Variants in BCAS3 observed in about 807,000 individuals in gnomAD.
BCAS3 encodes the protein BCAS4/BCAS3 fusion.
BCAS3 carries 53 observed loss-of-function variants against 116.1 expected under a neutral mutation model. That is an observed-to-expected ratio of 0.46 (90% CI 0.37 to 0.57). The LOEUF is 0.57. Ranked by LOEUF, BCAS3 falls within the 20% of genes least tolerant of loss-of-function variation. The probability of loss-of-function intolerance (pLI) is 0.00; values close to 1 mark genes in which losing one functional copy is unlikely to be tolerated. For synonymous variants in BCAS3, 391 were observed against 408.2 expected, an observed-to-expected ratio of 0.96 and a Z score of 0.51; for missense variants, 917 against 1,165.4, an observed-to-expected ratio of 0.79 and a Z score of 3.10.
chr17:61,339,389 C>T lies in BCAS3; in HGVS notation c.2426-28938C>T, dbSNP rs2056974347. On this transcript the variant is annotated intron_variant, in intron 22 of 23. Transcript: ENST00000407086. The surrounding 1 kb of genome is among the most constrained non-coding windows in gnomAD (Gnocchi z 4.4). ...AGGCCCATGAAGCCGCCTAAAGGAGCTCAAACTAGCATTTCCCTTGGCATT... is the reference window on the plus strand; with the variant it reads ...AGGCCCATGAAGCCGCCTAAAGGAGTTCAAACTAGCATTTCCCTTGGCATT... 6.6e-6 allele frequency among the ~76,000 whole-genome samples: 1 copy of T among 152,218 alleles called. No individual in the cohort carries two copies. Among genetic ancestry groups the T allele is most frequent in the African/African-American group, 2.4e-5 (1 of 41,454 alleles).
chr17:60,761,650 G>A (rs898251872), intron 6 of BCAS3, among the ~76,000 whole-genome samples: 1 of 152,136 alleles, frequency 6.6e-6, no homozygotes, highest in Non-Finnish European at 1.5e-5. Context: ...TTTGTGAGTA[G>A]TGCCGCAATA....
In BCAS3 at chr17:61,344,527, C is replaced by T. The variant is rs2057383041; in HGVS notation, c.2426-23800C>T. Among the ~76,000 whole-genome samples the T allele has an allele frequency of 2.0e-5, 3 of 152,104 alleles. No individual in the cohort carries two copies. The highest frequency in any genetic ancestry group is 2.0e-4 in the Admixed American group (3 of 15,272). On this transcript the variant is annotated intron_variant, in intron 22 of 23. Transcript: ENST00000407086. The surrounding 1 kb of genome is among the most constrained non-coding windows in gnomAD (Gnocchi z 4.1). ...CCATGGAGAGCAAAGTAGATGATATCTCTGCCCCCATGGGGCTTATATTCT... is the reference window on the plus strand; with the variant it reads ...CCATGGAGAGCAAAGTAGATGATATTTCTGCCCCCATGGGGCTTATATTCT...
At chr17:60,942,433 AAAAACAAAAC>A (rs561377242) in intron 13 of BCAS3, among the ~76,000 whole-genome samples, 8 of 152,158 alleles carry the variant, frequency 5.3e-5, no homozygotes, top group Middle Eastern at 3.4e-3. Flanking sequence ...ATCTCCAAAC[AAAAACAAAAC>A]AAAACAAAAC....
intron 7 of BCAS3, among the ~76,000 whole-genome samples, chr17:60,859,071 A>T (rs532429479): frequency 5.3e-5 from 8 of 152,320 alleles, no homozygotes; most frequent in African/African-American, 1.9e-4. Context: ...TTATAATGTT[A>T]TAACATTAAT....
intron 7 of BCAS3, among the ~76,000 whole-genome samples, chr17:60,845,004 TG>T (rs1209818251): frequency 3.9e-5 from 6 of 152,126 alleles, no homozygotes; most frequent in Non-Finnish European, 7.4e-5. Flanking sequence ...CCGAGGCAGG[TG>T]GATCACCTGA....
At chr17:61,209,519 G>C (rs8069299) in intron 22 of BCAS3, among the ~76,000 whole-genome samples, 151,651 of 152,338 alleles carry the variant, frequency 1, 75,486 homozygotes, top group Non-Finnish European at 1. Flanking sequence ...GAATTTCAGT[G>C]CAGTGGTTTC....
At chr17:60,902,895 T>C (rs1170588552) in intron 11 of BCAS3, among the ~76,000 whole-genome samples, 192 bp downstream of exon 11, 1 of 152,238 alleles carries the variant, frequency 6.6e-6, no homozygotes, top group East Asian at 1.9e-4. Flanking sequence ...TTTCCATGTT[T>C]TAAACAGTGA....
intron 22 of BCAS3, among the ~76,000 whole-genome samples, chr17:61,158,672 T>C (rs1334030146): frequency 6.6e-6 from 1 of 152,124 alleles, no homozygotes; most frequent in Non-Finnish European, 1.5e-5. Context: ...GATAATGATA[T>C]TTGCTTAAAG....
intron 5 of BCAS3, among the ~76,000 whole-genome samples, chr17:60,722,447 A>G (rs79447756): frequency 0.031 from 4,733 of 152,126 alleles, 236 homozygotes; most frequent in African/African-American, 0.1. Context: ...ATGTGTTGAT[A>G]TCTTCTGTGA....
At chr17:60,983,333 G>A (rs1307641856) in intron 14 of BCAS3, among the ~76,000 whole-genome samples, 3 of 151,944 alleles carry the variant, frequency 2.0e-5, no homozygotes, top group Non-Finnish European at 4.4e-5. Flanking sequence ...CATTTTTACA[G>A]GTTTTTTTCA....
At chr17:61,351,976 C>T (rs1465600666) in intron 22 of BCAS3, among the ~76,000 whole-genome samples, 2 of 152,206 alleles carry the variant, frequency 1.3e-5, no homozygotes, top group Non-Finnish European at 2.9e-5. Flanking sequence ...GACTTTTTGC[C>T]AGCTCGTTGA....
rs1244081335 is a variant in BCAS3 at position 60,861,503 on chromosome 17, T to C, written c.477-7073T>C. Among the ~76,000 whole-genome samples the C allele has an allele frequency of 2.6e-5, 4 of 152,326 alleles. No homozygotes were observed. In the East Asian group the frequency reaches 7.7e-4, roughly 29 times the overall value. ...TTATTTCTTTCTCTTTCCTGATTGC[T>C]CTGGCTGGGACTTCCAGAACTGTGT... On this transcript the variant is annotated intron_variant, in intron 7 of 23. Transcript: ENST00000407086.
intron 8 of BCAS3, 77 bp from the exon 9 acceptor site, chr17:60,874,585 A>G: frequency 3.1e-6 from 3 of 959,474 alleles, no homozygotes; most frequent in Non-Finnish European, 4.9e-6. Flanking sequence ...TAGATGATAT[A>G]ATGCATTTCT....
intron 6 of BCAS3, among the ~76,000 whole-genome samples, chr17:60,791,275 A>T (rs1255027745): frequency 6.6e-6 from 1 of 152,204 alleles, no homozygotes; most frequent in South Asian, 2.1e-4. Flanking sequence ...TCACAATCTC[A>T]GTATATTACC....
intron 22 of BCAS3, among the ~76,000 whole-genome samples, chr17:61,267,802 G>C (rs1410583264): frequency 6.6e-6 from 1 of 151,892 alleles, no homozygotes; most frequent in African/African-American, 2.4e-5. Context: ...AAGCCAGGAA[G>C]TACTGTGTAA....
In BCAS3 at chr17:61,004,209, T is replaced by C. The variant is rs1404194575; in HGVS notation, c.1487-11542T>C. 6.6e-6 allele frequency among the ~76,000 whole-genome samples: 1 copy of C among 152,134 alleles called. No individual in the cohort carries two copies. Among genetic ancestry groups the C allele is most frequent in the African/African-American group, 2.4e-5 (1 of 41,434 alleles). ...CTGGTTCCACTGAAATAAAAATATT[T>C]CTATGGAAATCTGGAGATGGAATTT... On this transcript the variant is annotated intron_variant, in intron 15 of 23. Coordinates refer to ENST00000407086, the MANE Select transcript of BCAS3 (RefSeq NM_017679.5). The surrounding 1 kb of genome is among the most constrained non-coding windows in gnomAD (Gnocchi z 4.8).
chr17:61,094,577 A>G (rs2073843671), intron 22 of BCAS3, among the ~76,000 whole-genome samples: 1 of 152,172 alleles, frequency 6.6e-6, no homozygotes, highest in South Asian at 2.1e-4. Flanking sequence ...GCCGGACACG[A>G]TGGCACACGC....
intron 23 of BCAS3, among the ~76,000 whole-genome samples, chr17:61,369,982 C>T (rs1235186175): frequency 1.3e-5 from 2 of 152,154 alleles, no homozygotes; most frequent in African/African-American, 2.4e-5. Flanking sequence ...GAGGAGCTCC[C>T]GGGTGGCTCT....
chr17:61,277,141 A>T (rs2050826538), intron 22 of BCAS3, among the ~76,000 whole-genome samples: 1 of 151,740 alleles, frequency 6.6e-6, no homozygotes, highest in Non-Finnish European at 1.5e-5. Flanking sequence ...GCGTGTGCCT[A>T]TAGCCCTAGT....
Sources: gnomAD v4.1 joint callset for allele counts (sites outside exome capture counted in the v4.1 genomes callset) on GRCh38, gnomAD v4.1.1 for gene constraint, Gnocchi (gnomAD v3.1) non-coding constraint, MANE v1.5 for transcripts, NCBI Gene and HGNC (gene_info 2026-07-23, HGNC 2026-07-21) for gene names.